Variants in SLC25A31 observed in about 807,000 individuals in gnomAD.
SLC25A31 encodes the protein solute carrier family 25 member 31, also known as ADP/ATP translocase 4.
A neutral mutation model predicts 36.2 loss-of-function variants in SLC25A31; 40 were observed. The ratio of observed to expected loss-of-function variants is 1.10; its 90% CI spans 0.86 to 1.44. The LOEUF is 1.44. SLC25A31 is among the 40% of genes most tolerant of loss of function. The pLI is 0.00. For missense variants in SLC25A31, 350 were observed against 397.1 expected (o/e 0.88, Z 1.01); for synonymous variants, 143 against 149.7 (o/e 0.96, Z 0.32).
At chr4:127,768,138 A>G (rs10020467) in intron 4 of SLC25A31, among the ~76,000 whole-genome samples, 5,463 of 151,908 alleles carry the variant, frequency 0.036, 333 homozygotes, top group African/African-American at 0.12. Context: ...TATCAGTATT[A>G]TTTATTAGTA....
intron 1 of SLC25A31, among the ~76,000 whole-genome samples, chr4:127,733,652 T>A (rs1731571637): frequency 6.6e-6 from 1 of 152,238 alleles, no homozygotes; most frequent in Non-Finnish European, 1.5e-5. Context: ...CTTCCTTATT[T>A]TAAAACATAA....
chr4:127,745,437 C>G (rs1398140123), intron 2 of SLC25A31, among the ~76,000 whole-genome samples: 1 of 151,924 alleles, frequency 6.6e-6, no homozygotes, highest in Non-Finnish European at 1.5e-5. Flanking sequence ...ACTATACTAC[C>G]TACATTACTC....
At chr4:127,739,282 G>A (rs1385129760) in intron 1 of SLC25A31, among the ~76,000 whole-genome samples, 1 of 145,622 alleles carries the variant, frequency 6.9e-6, no homozygotes, top group African/African-American at 2.6e-5. Context: ...CTTGTCACCT[G>A]GTCTGGTGGT....
intron 1 of SLC25A31, among the ~76,000 whole-genome samples, chr4:127,744,447 G>T (rs924878536): frequency 6.6e-6 from 1 of 152,130 alleles, no homozygotes; most frequent in African/African-American, 2.4e-5. Context: ...TCCGTTTTAG[G>T]TATTCAAAGC....
At chr4:127,732,911 A>G (rs539569787) in intron 1 of SLC25A31, among the ~76,000 whole-genome samples, 2 of 152,322 alleles carry the variant, frequency 1.3e-5, no homozygotes, top group East Asian at 3.9e-4. Context: ...TTACAATGGT[A>G]TGAAAGGCAA....
intron 1 of SLC25A31, among the ~76,000 whole-genome samples, chr4:127,741,979 C>A (rs972482419): frequency 6.6e-6 from 1 of 152,000 alleles, no homozygotes; most frequent in African/African-American, 2.4e-5. Context: ...AATGTCTTTT[C>A]TTTCACTTAT....
chr4:127,760,763 G>A (rs1732111272), intron 2 of SLC25A31, among the ~76,000 whole-genome samples: 1 of 152,162 alleles, frequency 6.6e-6, no homozygotes, highest in Non-Finnish European at 1.5e-5. Flanking sequence ...TAGTAGGCCA[G>A]GCATGGTGGC....
intron 2 of SLC25A31, among the ~76,000 whole-genome samples, chr4:127,749,173 T>C (rs752302384): frequency 6.6e-6 from 1 of 151,058 alleles, no homozygotes; most frequent in African/African-American, 2.4e-5. Context: ...GCTGACGCAA[T>C]CATGCAGATG....
intron 2 of SLC25A31, among the ~76,000 whole-genome samples, chr4:127,761,885 C>T (rs775382738): frequency 4.6e-5 from 7 of 152,114 alleles, no homozygotes; most frequent in Non-Finnish European, 8.8e-5. Flanking sequence ...AGGCTCTGGC[C>T]CAGCTCATCT....
chr4:127,747,410 C>T (rs1731845348), intron 2 of SLC25A31, among the ~76,000 whole-genome samples: 1 of 151,970 alleles, frequency 6.6e-6, no homozygotes, highest in African/African-American at 2.4e-5. Context: ...GGATATTTTT[C>T]CATTTGTTTG....
intron 1 of SLC25A31, among the ~76,000 whole-genome samples, chr4:127,744,259 T>C (rs1299913746): frequency 6.6e-6 from 1 of 152,214 alleles, no homozygotes; most frequent in African/African-American, 2.4e-5. Context: ...TTCTCATAAG[T>C]ATGTGTACAA....
At chr4:127,770,859 T>C (rs1373021921) in intron 5 of SLC25A31, among the ~76,000 whole-genome samples, 1 of 152,076 alleles carries the variant, frequency 6.6e-6, no homozygotes, top group Non-Finnish European at 1.5e-5. Context: ...GTCAGCAGAC[T>C]TGGTTTCCTC....
intron 4 of SLC25A31, among the ~76,000 whole-genome samples, chr4:127,767,744 C>G (rs1578672935): frequency 6.9e-6 from 1 of 144,980 alleles, no homozygotes; most frequent in African/African-American, 2.9e-5. Flanking sequence ...AAGAACACTT[C>G]CATGTGGTAG....
chr4:127,752,147 T>C (rs1256505102), intron 2 of SLC25A31, among the ~76,000 whole-genome samples: 2 of 152,224 alleles, frequency 1.3e-5, no homozygotes, highest in East Asian at 3.9e-4. Flanking sequence ...CTATTCACAA[T>C]AGCAAAGACT....
At chr4:127,734,757 A>G (rs539440217) in intron 1 of SLC25A31, among the ~76,000 whole-genome samples, 3 of 152,052 alleles carry the variant, frequency 2.0e-5, no homozygotes, top group Admixed American at 2.0e-4. Flanking sequence ...ATTTTGGGGT[A>G]TGGGAAGAAA....
chr4:127,756,161 T>C (rs1732028097), intron 2 of SLC25A31, among the ~76,000 whole-genome samples: 1 of 152,352 alleles, frequency 6.6e-6, no homozygotes, highest in African/African-American at 2.4e-5. Flanking sequence ...ATTGCAGCAT[T>C]ATTCACAATA....
chr4:127,773,744 A>G lies in SLC25A31; in HGVS notation c.*170A>G. On this transcript the variant is annotated 3_prime_UTR_variant, in exon 6 of 6. Transcript: ENST00000281154. Reference sequence around the variant, plus strand: ...AATTTAAATACTAAAAATCAGATAAATGTGGATTTTCCTCCCACTTAGACT... The same window carrying G: ...AATTTAAATACTAAAAATCAGATAAGTGTGGATTTTCCTCCCACTTAGACT... 2 of 505,478 alleles carry G rather than the reference A, an allele frequency of 4.0e-6. No homozygotes were observed. 31.3% of individuals were successfully genotyped at this position (505,478 alleles called of 1,614,324 possible).
At chr4:127,768,194 G>A (rs1034940980) in intron 4 of SLC25A31, among the ~76,000 whole-genome samples, 1 of 151,832 alleles carries the variant, frequency 6.6e-6, no homozygotes, top group Non-Finnish European at 1.5e-5. Context: ...AAATGTAGTT[G>A]CATGGCATTT....
chr4:127,752,942 C>T (rs1731964162), intron 2 of SLC25A31, among the ~76,000 whole-genome samples: 1 of 152,158 alleles, frequency 6.6e-6, no homozygotes, highest in Non-Finnish European at 1.5e-5. Context: ...GCAGAATACA[C>T]ATTTTCACAA....
Sources: gnomAD v4.1 joint callset for allele counts (sites outside exome capture counted in the v4.1 genomes callset) on GRCh38, gnomAD v4.1.1 for gene constraint, MANE v1.5 for transcripts, NCBI Gene and HGNC (gene_info 2026-07-23, HGNC 2026-07-21) for gene names.